The following EFCAB14 variants were observed in gnomAD, a reference collection of about 807,000 sequenced individuals.
EFCAB14 encodes EF-hand calcium binding domain 14.
EFCAB14 carries 43 observed loss-of-function variants against 56.5 expected under a neutral mutation model. The observed-to-expected ratio is 0.76, with a 90% confidence interval of 0.60 to 0.98. The LOEUF (loss-of-function observed/expected upper bound fraction) is 0.98. Ranked by LOEUF, EFCAB14 falls within the 50% of genes least tolerant of loss-of-function variation. EFCAB14 has a pLI of 0.00. For missense variants in EFCAB14, 538 were observed against 580.3 expected (o/e 0.93, Z 0.75); for synonymous variants, 235 against 212.9 (o/e 1.10, Z -0.90).
chr1:46,684,267 C>G, intron 9 of EFCAB14: 1 of 505,794 alleles, frequency 2.0e-6, no homozygotes, highest in Non-Finnish European at 3.5e-6. Flanking sequence ...AATTCTATTT[C>G]CAGCTAAACA....
At chr1:46,681,663 G>GTTTTTTTTTTT (rs10654448) in intron 10 of EFCAB14, among the ~76,000 whole-genome samples, 1 of 149,224 alleles carries the variant, frequency 6.7e-6, no homozygotes, top group Non-Finnish European at 1.5e-5. Flanking sequence ...GAAGAGTTCT[G>GTTTTTTTTTTT]TTTTTTTTTT....
In EFCAB14 at chr1:46,675,574, A is replaced by C. The variant is rs1486734805; in HGVS notation, c.*2887T>G. ...AAAATCCTCAACTGTGACCGGCAGG[A>C]CCAGCAAGGGGGGGTGTTGAAGGGG... On this transcript the variant is annotated 3_prime_UTR_variant, in exon 11 of 11. Coordinates refer to ENST00000371933, the MANE Select transcript of EFCAB14 (RefSeq NM_014774.3). 3 of 152,674 alleles carry C rather than the reference A, an allele frequency of 2.0e-5. No homozygotes were observed. Among genetic ancestry groups the C allele is most frequent in the Non-Finnish European group, 2.9e-5 (2 of 68,174 alleles). 9.5% of individuals were successfully genotyped at this position (152,674 alleles called of 1,614,324 possible).
At chr1:46,686,587 C>T (rs1412442780) in intron 8 of EFCAB14, 197 bp downstream of exon 8, 3 of 594,812 alleles carry the variant, frequency 5.0e-6, no homozygotes, top group Non-Finnish European at 8.9e-6. Flanking sequence ...CCAGCTCCTA[C>T]TAAAGTGTTT....
chr1:46,688,032 G>A (rs76247774), intron 7 of EFCAB14, among the ~76,000 whole-genome samples: 1,890 of 152,198 alleles, frequency 0.012, 21 homozygotes, highest in Middle Eastern at 0.041. Context: ...TCGGAAATAC[G>A]TGCCAGCACT....
chr1:46,716,569 G>A (rs1677398541), intron 1 of EFCAB14, 126 bp from the exon 2 acceptor site: 2 of 1,103,792 alleles, frequency 1.8e-6, no homozygotes, highest in African/African-American at 1.6e-5. Context: ...TTAACCAGGG[G>A]AGGCAGGGTA....
intron 7 of EFCAB14, 46 bp from the exon 8 acceptor site, chr1:46,686,916 G>T: frequency 6.3e-7 from 1 of 1,580,182 alleles, no homozygotes; most frequent in Non-Finnish European, 8.7e-7. Flanking sequence ...AAGATTAAAG[G>T]CAAACATTAA....
At chr1:46,713,059 A>G (rs908034172) in intron 2 of EFCAB14, among the ~76,000 whole-genome samples, 27 of 152,080 alleles carry the variant, frequency 1.8e-4, no homozygotes, top group Non-Finnish European at 3.4e-4. Context: ...TTTTTTTTTT[A>G]AAGTAGAAGC....
rs978233591 is a variant in EFCAB14, at chr1:46,676,754, A to G, written c.*1707T>C. On this transcript the variant is annotated 3_prime_UTR_variant, in exon 11 of 11. Coordinates refer to ENST00000371933, the MANE Select transcript of EFCAB14 (RefSeq NM_014774.3). ...AAGAAAGTGAAACTGAGCATAAGCTATAATGAGATAAGGGGACACATTCAT... is the reference window on the plus strand; with the variant it reads ...AAGAAAGTGAAACTGAGCATAAGCTGTAATGAGATAAGGGGACACATTCAT... The G allele has an allele frequency of 6.6e-6, 1 of 152,644 alleles. No homozygotes were observed. The highest frequency in any genetic ancestry group is 2.4e-5 in the African/African-American group (1 of 41,462). The allele number at this position is 152,644 out of a possible 1,614,324, so 9.5% of individuals were successfully genotyped here. A position where few individuals can be genotyped will look rare whatever the true frequency, so the allele number is the denominator to read the frequency against.
chr1:46,683,193 C>T (rs1199305487), intron 10 of EFCAB14, 107 bp downstream of exon 10: 77 of 1,300,038 alleles, frequency 5.9e-5, no homozygotes, highest in Non-Finnish European at 5.8e-5. Flanking sequence ...CACTTGATAT[C>T]TCCTCAATAA....
rs187661176 is a variant in EFCAB14, at chr1:46,718,437, G to A, written c.-350C>T. 5.6e-6 allele frequency: 1 copy of A among 178,996 alleles called. No individual in the cohort carries two copies. The highest frequency in any genetic ancestry group is 5.8e-5 in the Admixed American group (1 of 17,222). 11.1% of individuals were successfully genotyped at this position (178,996 alleles called of 1,614,324 possible). ...CCAGGTCAAAAATGAAGGATTCTCA[G>A]CCCGGATAAGTAGGCAATACTTCTA... On this transcript the variant is annotated 5_prime_UTR_variant, in exon 1 of 11. Transcript: ENST00000371933.
intron 3 of EFCAB14, among the ~76,000 whole-genome samples, chr1:46,697,717 C>G (rs1282721345): frequency 6.6e-6 from 1 of 152,126 alleles, no homozygotes; most frequent in Admixed American, 6.5e-5. Flanking sequence ...ATTGTGGAGA[C>G]AGCAGAGAGG....
At chr1:46,703,108 T>C (rs925295887) in intron 3 of EFCAB14, among the ~76,000 whole-genome samples, 3 of 148,550 alleles carry the variant, frequency 2.0e-5, no homozygotes, top group Non-Finnish European at 4.4e-5. Context: ...AGTCCTCTGC[T>C]CGTACTTTTT....
intron 10 of EFCAB14, chr1:46,682,346 T>G (rs942193323): frequency 6.6e-6 from 1 of 152,262 alleles, no homozygotes; most frequent in Non-Finnish European, 1.5e-5. Context: ...AGCAAGTGAT[T>G]TGCCAGGCAG....
rs552976861 is a variant in EFCAB14 at position 46,696,724 on chromosome 1, C to T, written c.481-75G>A. 171 of 1,359,850 alleles carry T rather than the reference C, an allele frequency of 1.3e-4. No individual in the cohort carries two copies. The East Asian group carries it at 3.3e-3, about 26-fold the overall frequency. 84.2% of individuals were successfully genotyped at this position (1,359,850 alleles called of 1,614,324 possible). ...GGACACGTTACCTTCACAAACTCTA[C>T]GGTTGGTGATGTCAAGATAGTCTAG... On this transcript the variant is annotated intron_variant, in intron 3 of 10. Coordinates refer to ENST00000371933, the MANE Select transcript of EFCAB14 (RefSeq NM_014774.3).
In EFCAB14 at chr1:46,679,599, G is replaced by GTTTTTTTTTTT. The variant is rs60875639; in HGVS notation, c.1313-974_1313-964dup. 1.3e-3 allele frequency among the ~76,000 whole-genome samples: 47 copies of GTTTTTTTTTTT among 36,522 alleles called. 16 individuals carry two copies. The highest frequency in any genetic ancestry group is 2.0e-3 in the Admixed American group (4 of 2,042). The allele number at this position is 36,522 out of a possible 152,430, so 24.0% of individuals were successfully genotyped here. A position where few individuals can be genotyped will look rare whatever the true frequency, so the allele number is the denominator to read the frequency against. ...ATTATAGGCGTGAACCACCACGCCT[G>GTTTTTTTTTTT]TTTTTTTTTTTTTTTTTTTTTTTTT... is the stretch of plus-strand genomic sequence containing the variant. On this transcript the variant is annotated intron_variant, in intron 10 of 10. Coordinates refer to ENST00000371933, the MANE Select transcript of EFCAB14 (RefSeq NM_014774.3).
At chr1:46,697,777 A>G (rs982162220) in intron 3 of EFCAB14, among the ~76,000 whole-genome samples, 5 of 152,162 alleles carry the variant, frequency 3.3e-5, no homozygotes, top group Non-Finnish European at 7.3e-5. Flanking sequence ...TCCTAGTAAA[A>G]GGTGACAGAA....
intron 2 of EFCAB14, among the ~76,000 whole-genome samples, chr1:46,709,329 GC>G (rs1480614359): frequency 6.6e-6 from 1 of 152,014 alleles, no homozygotes; most frequent in Non-Finnish European, 1.5e-5. Flanking sequence ...CATGACCCTT[GC>G]ACATGCTATG....
chr1:46,682,941 A>C (rs1165289506), intron 10 of EFCAB14, among the ~76,000 whole-genome samples: 2 of 152,092 alleles, frequency 1.3e-5, no homozygotes, highest in Non-Finnish European at 2.9e-5. Context: ...AGAATTGCTT[A>C]ACCCTGGGAG....
At chr1:46,707,539 C>A (rs1296653477) in intron 3 of EFCAB14, among the ~76,000 whole-genome samples, 1 of 152,146 alleles carries the variant, frequency 6.6e-6, no homozygotes, top group African/African-American at 2.4e-5. Context: ...ATGAAATAAG[C>A]TCTCATTAGC....
Sources: allele counts gnomAD v4.1 joint callset (sites outside exome capture counted in the v4.1 genomes callset), GRCh38; gene constraint gnomAD v4.1.1; transcripts MANE v1.5; gene names NCBI Gene and HGNC (gene_info 2026-07-23, HGNC 2026-07-21).